The following SLC25A17 variants were observed in gnomAD, a reference collection of about 807,000 sequenced individuals.
SLC25A17 encodes the protein solute carrier family 25 member 17.
Under a neutral mutation model 38.5 loss-of-function variants are expected in SLC25A17, and 26 were observed. The observed-to-expected ratio is 0.68, with a 90% confidence interval of 0.50 to 0.94. The LOEUF is 0.94. SLC25A17 is among the 40% of genes least tolerant of loss of function. The probability of loss-of-function intolerance (pLI) is 0.00; values close to 1 mark genes in which losing one functional copy is unlikely to be tolerated. For missense variants in SLC25A17, 333 were observed against 372.7 expected, an observed-to-expected ratio of 0.89 and a Z score of 0.88; for synonymous variants, 139 against 136.2, an observed-to-expected ratio of 1.02 and a Z score of -0.14.
At chr22:40,808,517 T>C (rs566839555) in intron 1 of SLC25A17, among the ~76,000 whole-genome samples, 1 of 152,234 alleles carries the variant, frequency 6.6e-6, no homozygotes, top group Non-Finnish European at 1.5e-5. Flanking sequence ...TCTTTTCCAC[T>C]TATAAAAGTG....
intron 7 of SLC25A17, among the ~76,000 whole-genome samples, chr22:40,775,306 C>A (rs1326726139): frequency 6.6e-6 from 1 of 152,118 alleles, no homozygotes; most frequent in African/African-American, 2.4e-5. Flanking sequence ...GTGTCCCCAT[C>A]CAAATCTCAC....
intron 1 of SLC25A17, among the ~76,000 whole-genome samples, chr22:40,812,070 T>C (rs2057587854): frequency 6.6e-6 from 1 of 152,044 alleles, no homozygotes; most frequent in African/African-American, 2.4e-5. Flanking sequence ...TTTAACTTAT[T>C]TATTTTTAGA....
At chr22:40,786,240 G>A (rs1486711981) in intron 4 of SLC25A17, among the ~76,000 whole-genome samples, 8 of 152,028 alleles carry the variant, frequency 5.3e-5, no homozygotes. Flanking sequence ...GAACCCAGGT[G>A]GCAGAGGTTG....
Position 40,794,522 on chromosome 22 carries a change from T to C in SLC25A17, c.174A>G (p.Glu58=). 9 of 1,609,570 alleles carry C rather than the reference T, an allele frequency of 5.6e-6. No individual in the cohort carries two copies. Among genetic ancestry groups the C allele is most frequent in the Non-Finnish European group, 7.7e-6 (9 of 1,176,150 alleles). ...THMVLLEIIK[E]EGLLAPYRGW... is the part of the protein sequence containing the mutation. ...ACTGAGGTAGTACTCACAGTCCTTC[T>C]TCTTTAATGATCTCCAGGAGCACCA... The change falls in exon 3 of 9, where the codon GAA becomes GAG. Residue 58 remains glutamate (E), a synonymous_variant. Coordinates refer to ENST00000435456, the MANE Select transcript of SLC25A17 (RefSeq NM_006358.4).
chr22:40,809,470 T>TA (rs138314), intron 1 of SLC25A17, among the ~76,000 whole-genome samples: 5,734 of 148,150 alleles, frequency 0.039, 149 homozygotes, highest in Middle Eastern at 0.084. Flanking sequence ...ACAAAAAAAT[T>TA]AAAAAAAAAA....
intron 2 of SLC25A17, among the ~76,000 whole-genome samples, chr22:40,795,725 T>C (rs1480738411): frequency 6.6e-6 from 1 of 152,232 alleles, no homozygotes; most frequent in African/African-American, 2.4e-5. Flanking sequence ...GGAGAGGCTA[T>C]AGACACAAAA....
chr22:40,795,714 A>G (rs2057423442), intron 2 of SLC25A17, among the ~76,000 whole-genome samples: 1 of 152,246 alleles, frequency 6.6e-6, no homozygotes, highest in Non-Finnish European at 1.5e-5. Context: ...TACCTTTTAC[A>G]GGAGAGGCTA....
At chr22:40,808,508 CT>C (rs139353798) in intron 1 of SLC25A17, among the ~76,000 whole-genome samples, 46 of 152,320 alleles carry the variant, frequency 3.0e-4, no homozygotes, top group African/African-American at 1.1e-3. Context: ...TTGAAATTTT[CT>C]TTTCCACTTA....
intron 2 of SLC25A17, among the ~76,000 whole-genome samples, chr22:40,795,756 C>T (rs1472101876): frequency 1.3e-5 from 2 of 151,938 alleles, no homozygotes. Context: ...CAGATGTGGT[C>T]GGCAGCAAAG....
intron 1 of SLC25A17, among the ~76,000 whole-genome samples, chr22:40,805,711 C>T (rs1004882939): frequency 2.6e-5 from 4 of 152,096 alleles, no homozygotes; most frequent in African/African-American, 7.2e-5. Context: ...GGGCTGGACA[C>T]GGCTGCAGGC....
intron 4 of SLC25A17, among the ~76,000 whole-genome samples, chr22:40,788,520 A>G (rs576440596): frequency 3.5e-4 from 54 of 152,174 alleles, no homozygotes; most frequent in South Asian, 8.3e-4. Flanking sequence ...GTGAAACTCC[A>G]TATCTACTAA....
chr22:40,783,240 C>A (rs1226637557), intron 4 of SLC25A17, among the ~76,000 whole-genome samples: 1 of 152,152 alleles, frequency 6.6e-6, no homozygotes, highest in Non-Finnish European at 1.5e-5. Context: ...CCAACTGTGA[C>A]AGTACTAATA....
chr22:40,817,029 G>C (rs2057648193), intron 1 of SLC25A17, among the ~76,000 whole-genome samples: 1 of 152,152 alleles, frequency 6.6e-6, no homozygotes, highest in African/African-American at 2.4e-5. Context: ...CTCAATAAAG[G>C]TGTTTAATGA....
In SLC25A17 at chr22:40,804,330, G is replaced by A. The variant is rs76688801; in HGVS notation, c.55-5247C>T. 1.3e-3 allele frequency among the ~76,000 whole-genome samples: 196 copies of A among 152,192 alleles called. 1 individual carries two copies. Among genetic ancestry groups the A allele is most frequent in the African/African-American group, 4.7e-3 (194 of 41,524 alleles). ...GGCTCGCTGGTACCTAGATGTGCAA[G>A]GTCACTCTACCAGGGCCCCTGTGAA... On this transcript the variant is annotated intron_variant, in intron 1 of 8. Coordinates refer to ENST00000435456, the MANE Select transcript of SLC25A17 (RefSeq NM_006358.4).
Position 40,789,097 on chromosome 22 carries a change from C to A in SLC25A17, c.334+3428G>T. On this transcript the variant is annotated intron_variant, in intron 4 of 8. Transcript: ENST00000435456. This position sits in a 1 kb window ranked among gnomAD's most constrained non-coding sequence, Gnocchi z 4.5. ...ACCATCTCTACTTCCAGCACTGGCCCAACCATAATAAATGCCACTGGATAT... is the reference window on the plus strand; with the variant it reads ...ACCATCTCTACTTCCAGCACTGGCCAAACCATAATAAATGCCACTGGATAT... 2 of 278,800 alleles carry A rather than the reference C, an allele frequency of 7.2e-6. No homozygotes were observed. The highest frequency in any genetic ancestry group is 5.0e-5 in the South Asian group (1 of 20,024). 17.3% of individuals were successfully genotyped at this position (278,800 alleles called of 1,614,324 possible).
chr22:40,771,692 A>G (rs151043266), intron 8 of SLC25A17, among the ~76,000 whole-genome samples: 218 of 152,302 alleles, frequency 1.4e-3, no homozygotes, highest in African/African-American at 5.1e-3. Flanking sequence ...AGGTAGAAGG[A>G]TGGTTACCAG....
At chr22:40,781,769 C>T (rs1035768762) in intron 4 of SLC25A17, among the ~76,000 whole-genome samples, 8 of 151,848 alleles carry the variant, frequency 5.3e-5, no homozygotes, top group African/African-American at 1.9e-4. Flanking sequence ...CTTGAGAATC[C>T]GAAGCTTTAC....
chr22:40,787,436 C>T (rs969712673), intron 4 of SLC25A17, among the ~76,000 whole-genome samples: 5 of 152,136 alleles, frequency 3.3e-5, no homozygotes, highest in Non-Finnish European at 7.4e-5. Context: ...GCACAGGCAT[C>T]CTAGCGAGTA....
intron 3 of SLC25A17, 29 bp from the exon 4 acceptor site, chr22:40,792,705 A>C: frequency 6.2e-7 from 1 of 1,612,264 alleles, no homozygotes; most frequent in Non-Finnish European, 8.5e-7. Flanking sequence ...AAGCAAAGTA[A>C]AGGTCATGGA....
Sources: gnomAD v4.1 joint callset for allele counts (sites outside exome capture counted in the v4.1 genomes callset) on GRCh38, gnomAD v4.1.1 for gene constraint, Gnocchi (gnomAD v3.1) non-coding constraint, MANE v1.5 for transcripts, NCBI Gene and HGNC (gene_info 2026-07-23, HGNC 2026-07-21) for gene names.